The following SP100 variants were observed in gnomAD, a reference collection of about 807,000 sequenced individuals.
SP100 encodes the protein SP100 nuclear body protein, also known as nuclear autoantigen Sp-100.
SP100 carries 84 observed loss-of-function variants against 130.0 expected under a neutral mutation model. That is an observed-to-expected ratio of 0.65 (90% CI 0.54 to 0.77). The LOEUF (loss-of-function observed/expected upper bound fraction) is 0.77, where lower values mean the gene tolerates loss of function less well. Among genes scored for constraint, SP100 ranks in the 30% least tolerant of loss-of-function variants. The pLI is 0.00. For missense variants in SP100, 978 were observed against 1,052.2 expected (o/e 0.93, Z 0.97); for synonymous variants, 331 against 351.7 (o/e 0.94, Z 0.66).
chr2:230,518,038 G>A (rs901763314), intron 24 of SP100, among the ~76,000 whole-genome samples: 2 of 151,926 alleles, frequency 1.3e-5, no homozygotes, highest in Admixed American at 6.6e-5. Flanking sequence ...GACTGTTTGC[G>A]AAACGCTTGG....
chr2:230,516,188 G>T (rs1220774963), intron 24 of SP100: 7 of 465,934 alleles, frequency 1.5e-5, no homozygotes, highest in Admixed American at 6.4e-5. Flanking sequence ...AAACAATCTT[G>T]TCATACTTGA....
chr2:230,433,979 T>C (rs2063173881), intron 2 of SP100, among the ~76,000 whole-genome samples: 1 of 150,954 alleles, frequency 6.6e-6, no homozygotes, highest in South Asian at 2.2e-4. Context: ...GTATTATTTC[T>C]TTTCTCTGAT....
chr2:230,473,175 T>C (rs891526559), intron 15 of SP100, 149 bp from the exon 16 acceptor site: 2 of 558,810 alleles, frequency 3.6e-6, no homozygotes, highest in Non-Finnish European at 3.2e-6. Flanking sequence ...AAAAATACAG[T>C]GAGGAACCAC....
chr2:230,424,385 G>A (rs894415249), intron 2 of SP100, among the ~76,000 whole-genome samples: 1 of 152,178 alleles, frequency 6.6e-6, no homozygotes, highest in African/African-American at 2.4e-5. Flanking sequence ...AGGAGAGATT[G>A]GCTGGGTGCG....
intron 24 of SP100, among the ~76,000 whole-genome samples, chr2:230,530,411 C>T (rs575407492): frequency 6.6e-6 from 1 of 152,316 alleles, no homozygotes; most frequent in African/African-American, 2.4e-5. Flanking sequence ...CTTCCTTACA[C>T]CTTACACAAA....
At chr2:230,510,758 G>T (rs1027488264) in intron 23 of SP100, 1 of 280,548 alleles carries the variant, frequency 3.6e-6, no homozygotes, top group African/African-American at 2.3e-5. Context: ...GCCTCCCAAA[G>T]TGCTGGGATT....
At chr2:230,532,113 T>A (rs1427310379) in intron 24 of SP100, among the ~76,000 whole-genome samples, 1 of 152,136 alleles carries the variant, frequency 6.6e-6, no homozygotes, top group Non-Finnish European at 1.5e-5. Flanking sequence ...TAATCTACCT[T>A]TGTCAGGTCT....
At position 230,417,597 on chromosome 2, in the gene SP100, G is replaced by C. The variant is rs990338789; in HGVS notation, c.39G>C (p.Leu13=). 1 of 1,612,074 alleles carries C rather than the reference G, an allele frequency of 6.2e-7. No individual in the cohort carries two copies. The highest frequency in any genetic ancestry group is 8.5e-7 in the Non-Finnish European group (1 of 1,179,438). ...TGCCAAATTGTCTTTCTAGGAGGCTGAATGAATGTATTTCACCAGTAGCAA... is the reference window on the plus strand; with the variant it reads ...TGCCAAATTGTCTTTCTAGGAGGCTCAATGAATGTATTTCACCAGTAGCAA... ...GGGGDLSTRR[L]NECISPVANE... The change falls in exon 2 of 29, where the codon CTG becomes CTC. Residue 13 remains leucine, a synonymous_variant. Transcript: ENST00000340126.
intron 17 of SP100, among the ~76,000 whole-genome samples, chr2:230,490,321 C>CT (rs756415082): frequency 2.4e-4 from 36 of 150,662 alleles, no homozygotes; most frequent in African/African-American, 6.6e-4. Flanking sequence ...GCAACCTCTG[C>CT]TTTTTTTTTG....
At chr2:230,485,380 T>G (rs555141533) in intron 17 of SP100, among the ~76,000 whole-genome samples, 1 of 152,278 alleles carries the variant, frequency 6.6e-6, no homozygotes, top group Admixed American at 6.5e-5. Context: ...TTTGACTCAG[T>G]TATTTAAGAG....
At chr2:230,446,617 C>G (rs1414613778) in intron 4 of SP100, among the ~76,000 whole-genome samples, 1 of 152,198 alleles carries the variant, frequency 6.6e-6, no homozygotes, top group Non-Finnish European at 1.5e-5. Flanking sequence ...TGAATGTCTC[C>G]TTTTTGTGTA....
intron 2 of SP100, among the ~76,000 whole-genome samples, chr2:230,439,917 CTTTTTA>C (rs1187029283): frequency 1.3e-5 from 2 of 151,912 alleles, no homozygotes; most frequent in Non-Finnish European, 2.9e-5. Flanking sequence ...ACTATGTCTG[CTTTTTA>C]TTTTTATTTT....
chr2:230,445,806 C>A (rs1269044591), intron 4 of SP100, among the ~76,000 whole-genome samples: 1 of 152,208 alleles, frequency 6.6e-6, no homozygotes, highest in Non-Finnish European at 1.5e-5. Context: ...GATCCCCCTT[C>A]CTAGCTCCAG....
intron 8 of SP100, among the ~76,000 whole-genome samples, chr2:230,450,965 C>A (rs1037664232): frequency 6.6e-6 from 1 of 152,136 alleles, no homozygotes; most frequent in Admixed American, 6.5e-5. Flanking sequence ...ATATCTCTTC[C>A]ATATACAGAT....
chr2:230,498,027 T>C (rs1228713019), intron 18 of SP100, among the ~76,000 whole-genome samples: 7 of 152,250 alleles, frequency 4.6e-5, no homozygotes, highest in African/African-American at 1.7e-4. Flanking sequence ...CACTTCATTT[T>C]GCAATATCTG....
At chr2:230,451,108 T>G (rs12694869) in intron 8 of SP100, among the ~76,000 whole-genome samples, 19,065 of 152,258 alleles carry the variant, frequency 0.13, 1,654 homozygotes, top group Non-Finnish European at 0.19. Flanking sequence ...CCATCGTAAC[T>G]CTAGGAGCAT....
chr2:230,516,314 T>C (rs926613796), intron 24 of SP100: 4 of 157,204 alleles, frequency 2.5e-5, no homozygotes, highest in African/African-American at 7.2e-5. Context: ...CATAAGAATG[T>C]TTATGAATAG....
At chr2:230,465,875 G>T (rs1024905931) in intron 11 of SP100, among the ~76,000 whole-genome samples, 1 of 151,954 alleles carries the variant, frequency 6.6e-6, no homozygotes, top group African/African-American at 2.4e-5. Flanking sequence ...AGGAGAGAGA[G>T]AAAAACGCTC....
At position 230,450,154 on chromosome 2, in the gene SP100, G is replaced by A; in HGVS notation, c.737-18G>A. 1.3e-6 allele frequency: 2 copies of A among 1,589,266 alleles called. No individual in the cohort carries two copies. The highest frequency in any genetic ancestry group is 1.7e-6 in the Non-Finnish European group (2 of 1,157,872). On this transcript the variant is annotated intron_variant, in intron 7 of 28. Transcript: ENST00000340126. ...CAAGGCTCTACTGGATCTCAGCTGT[G>A]ATCTCGTTTATCTCCAGAGTCCTGC...
Sources: gnomAD v4.1 joint callset for allele counts (sites outside exome capture counted in the v4.1 genomes callset) on GRCh38, gnomAD v4.1.1 for gene constraint, MANE v1.5 for transcripts, NCBI Gene and HGNC (gene_info 2026-07-23, HGNC 2026-07-21) for gene names.